Variants in MAGED2 observed in about 807,000 individuals in gnomAD.
The protein encoded by MAGED2 is MAGE family member D2.
Under a neutral mutation model 41.7 loss-of-function variants are expected in MAGED2, and 6 were observed. That is an observed-to-expected ratio of 0.14 (90% confidence interval 0.08 to 0.28). The LOEUF (loss-of-function observed/expected upper bound fraction) is 0.28. MAGED2 is among the 10% of genes least tolerant of loss of function. MAGED2 has a pLI of 1.00. For synonymous variants in MAGED2, 146 were observed against 178.2 expected, an observed-to-expected ratio of 0.82 and a Z score of 1.44; for missense variants, 343 against 486.4, an observed-to-expected ratio of 0.71 and a Z score of 2.77.
intron 10 of MAGED2, 87 bp downstream of exon 10, chrX:54,813,637 G>T: frequency 1.4e-6 from 1 of 737,328 alleles, no homozygotes. Context: ...ATGGATGCAT[G>T]TGTCTATGTG....
At chrX:54,808,958 T>G (rs372297479) in intron 1 of MAGED2, 7 of 274,927 alleles carry the variant, frequency 2.5e-5, no homozygotes, top group East Asian at 2.3e-4. Context: ...ACGGTGGACA[T>G]CAAAGAAAGG....
chrX:54,813,991 G>A (rs778325782), intron 10 of MAGED2, among the ~76,000 whole-genome samples: 1 of 112,384 alleles, frequency 8.9e-6, no homozygotes, highest in Non-Finnish European at 1.9e-5. Flanking sequence ...AGGCAACCAG[G>A]TACCATGCTG....
At chrX:54,815,725 C>T (rs746305751) in intron 12 of MAGED2, 35 bp downstream of exon 12, 34 of 976,161 alleles carry the variant, frequency 3.5e-5, no homozygotes, top group Admixed American at 5.6e-5. Context: ...ACATCTGGGG[C>T]TTATGGGGCT....
chrX:54,809,420 A>G (rs1216065544), intron 2 of MAGED2, 44 bp downstream of exon 2: 5 of 1,130,921 alleles, frequency 4.4e-6, no homozygotes, highest in Non-Finnish European at 6.1e-6. Context: ...TTTCCTCTCC[A>G]GCCCTTGTTG....
At chrX:54,808,797 A>G (rs1025177396) in intron 1 of MAGED2, among the ~76,000 whole-genome samples, 2 of 111,850 alleles carry the variant, frequency 1.8e-5, no homozygotes, top group African/African-American at 6.5e-5. Flanking sequence ...GCGGGACCGA[A>G]TGGTACTGCG....
intron 5 of MAGED2, 29 bp from the exon 6 acceptor site, chrX:54,811,545 C>T: frequency 8.8e-7 from 1 of 1,133,260 alleles, no homozygotes; most frequent in Non-Finnish European, 1.2e-6. Flanking sequence ...TCTCTTCAGT[C>T]AGGTGCTCAC....
chrX:54,809,972 A>G lies in MAGED2; in HGVS notation c.296A>G (p.Asn99Ser). The change falls in exon 3 of 13, where the codon AAC becomes AGC. Residue 99 changes from asparagine to serine, a missense_variant. By Grantham distance (46) the Asn-to-Ser change is conservative. This residue lies in a region of MAGED2 where 195 missense variants were observed against 221.2 expected (regional missense o/e 0.88). Coordinates refer to ENST00000375068, the MANE Select transcript of MAGED2 (RefSeq NM_177433.3). Reference sequence around the variant, plus strand: ...GATACCCAGGTTCTGGCAGCTGAAAACAAGAGTCTAGCAGCTGACACCAAG... The same window carrying G: ...GATACCCAGGTTCTGGCAGCTGAAAGCAAGAGTCTAGCAGCTGACACCAAG... ...LTDTQVLAAE[N>S]KSLAADTKKQ... 8.3e-7 allele frequency: 1 copy of G among 1,205,347 alleles called. No homozygotes were observed. The highest frequency in any genetic ancestry group is 2.2e-5 in the Admixed American group (1 of 45,379).
chrX:54,810,482 G>C, intron 3 of MAGED2, among the ~76,000 whole-genome samples: 1 of 112,054 alleles, frequency 8.9e-6, no homozygotes, highest in Non-Finnish European at 1.9e-5. Context: ...AATCTTGAAA[G>C]TAATTCTCAT....
chrX:54,815,775 G>A, intron 12 of MAGED2, 85 bp downstream of exon 12: 1 of 631,768 alleles, frequency 1.6e-6, no homozygotes, highest in Non-Finnish European at 2.4e-6. Context: ...GCCCAAGTTG[G>A]AGAATGATGT....
chrX:54,813,153 C>T lies in MAGED2; in HGVS notation c.1201C>T (p.Arg401Cys), dbSNP rs746882460. ...GGAGGTGCTGCGCAAGTTGGGGCTG[C>T]GCCCTGGGTATGATTGGGCTCTCTC... is the stretch of plus-strand genomic sequence containing the variant. ...IWEVLRKLGL[R>C]PGIHHSLFGD... Residue 401 changes from arginine (R) to cysteine (C), a missense_variant, in exon 9 of 13, where the codon CGC becomes TGC. Transcript: ENST00000375068. 9 of 1,211,199 alleles carry T rather than the reference C, an allele frequency of 7.4e-6. No individual in the cohort carries two copies. The highest frequency in any genetic ancestry group is 1.8e-5 in the South Asian group (1 of 56,958).
intron 1 of MAGED2, chrX:54,809,093 C>T (rs893061059): frequency 3.7e-5 from 15 of 410,563 alleles, no homozygotes; most frequent in Non-Finnish European, 6.0e-5. Flanking sequence ...AGCTGCCGCG[C>T]TGGCACATCT....
At chrX:54,809,040 G>A (rs1442033673) in intron 1 of MAGED2, 2 of 371,378 alleles carry the variant, frequency 5.4e-6, no homozygotes, top group Non-Finnish European at 9.5e-6. Flanking sequence ...ATCGACCTGC[G>A]GCTGGGTGGG....
At chrX:54,808,399 T>A (rs774426541) in intron 1 of MAGED2, 17 of 110,427 alleles carry the variant, frequency 1.5e-4, no homozygotes, top group African/African-American at 4.6e-4. Flanking sequence ...GGGCTTGGAG[T>A]GAGTGGACGC....
At chrX:54,811,517 C>T in intron 5 of MAGED2, 57 bp from the exon 6 acceptor site, 1 of 1,023,142 alleles carries the variant, frequency 9.8e-7, no homozygotes, top group South Asian at 2.0e-5. Context: ...ATAGCTTGGG[C>T]ATCAGGGCCA....
Position 54,813,557 on chromosome X carries a change from A to C in MAGED2, c.1271+7A>C. The C allele has an allele frequency of 8.3e-7, 1 of 1,201,643 alleles. No homozygotes were observed. Among genetic ancestry groups the C allele is most frequent in the Non-Finnish European group, 1.1e-6 (1 of 886,385 alleles). On this transcript the variant is annotated splice_region_variant and intron_variant, in intron 10 of 12. Coordinates refer to ENST00000375068, the MANE Select transcript of MAGED2 (RefSeq NM_177433.3). ...ATGAGTTTGTGAAGCAGAAGTAAGT[A>C]TCTCTGTCTGGTGTTCATGTGTCCC...
chrX:54,810,226 C>T lies in MAGED2; in HGVS notation c.537+13C>T, dbSNP rs1320369554. 2 of 1,027,515 alleles carry T rather than the reference C, an allele frequency of 1.9e-6. No individual in the cohort carries two copies. Among genetic ancestry groups the T allele is most frequent in the Admixed American group, 3.2e-5 (1 of 31,189 alleles). The allele number at this position is 1,027,515 out of a possible 1,213,427, so 84.7% of individuals were successfully genotyped here. A position where few individuals can be genotyped will look rare whatever the true frequency, so the allele number is the denominator to read the frequency against. On this transcript the variant is annotated intron_variant, in intron 3 of 12. Coordinates refer to ENST00000375068, the MANE Select transcript of MAGED2 (RefSeq NM_177433.3). ...GAAAGCCCGAAAGGTAAGACCTCTG[C>T]AGTCACCACCCTTGGTTTTCTACTC...
intron 5 of MAGED2, 26 bp from the exon 6 acceptor site, chrX:54,811,548 G>A (rs1158787307): frequency 8.7e-7 from 1 of 1,147,639 alleles, no homozygotes; most frequent in African/African-American, 1.8e-5. Context: ...CTTCAGTCAG[G>A]TGCTCACAAC....
At chrX:54,811,372 A>C (rs920335549) in intron 5 of MAGED2, 59 bp downstream of exon 5, 2 of 1,075,714 alleles carry the variant, frequency 1.9e-6, no homozygotes, top group Non-Finnish European at 1.3e-6. Flanking sequence ...CCCTTACACC[A>C]TTGTGCTGGG....
intron 7 of MAGED2, among the ~76,000 whole-genome samples, chrX:54,812,552 C>A (rs1220216123): frequency 9.0e-6 from 1 of 111,562 alleles, no homozygotes; most frequent in Admixed American, 9.5e-5. Context: ...GGTGCCTGGC[C>A]TGGCTTTGGC....
Sources: allele counts gnomAD v4.1 joint callset (sites outside exome capture counted in the v4.1 genomes callset), GRCh38; gene constraint gnomAD v4.1.1; regional missense constraint gnomAD v4.1.1; transcripts MANE v1.5; gene names NCBI Gene and HGNC (gene_info 2026-07-23, HGNC 2026-07-21).